FGF12: variants seen among roughly 807,000 people sequenced by gnomAD.
FGF12 encodes fibroblast growth factor 12.
FGF12 carries 14 observed loss-of-function variants against 23.6 expected under a neutral mutation model. That is an observed-to-expected ratio of 0.59 (90% CI 0.39 to 0.93). The LOEUF is 0.93. Ranked by LOEUF, FGF12 falls within the 40% of genes least tolerant of loss-of-function variation. The pLI, the probability that FGF12 is intolerant of heterozygous loss-of-function variation, is 0.00. For missense variants in FGF12, 175 were observed against 217.8 expected, an observed-to-expected ratio of 0.80 and a Z score of 1.24; for synonymous variants, 62 against 77.3, an observed-to-expected ratio of 0.80 and a Z score of 1.04.
intron 2 of FGF12, among the ~76,000 whole-genome samples, chr3:192,474,957 CAG>C (rs1560122259): frequency 6.6e-6 from 1 of 151,152 alleles, no homozygotes; most frequent in African/African-American, 2.4e-5. Context: ...GGAGAATTAA[CAG>C]AATGTTCTGT....
intron 2 of FGF12, among the ~76,000 whole-genome samples, chr3:192,570,294 A>G (rs558465028): frequency 6.6e-6 from 1 of 152,318 alleles, no homozygotes; most frequent in South Asian, 2.1e-4. Context: ...ATGGAAATCC[A>G]AGTAGAGAGC....
rs543547269 is a variant in FGF12 at position 192,674,506 on chromosome 3, G to A, written c.13+52675C>T. ...TACTCTGTAATTAAAGGACGGTTTC[G>A]AACTTCTGAGTACTCATTTTCTTCT... On this transcript the variant is annotated intron_variant, in intron 2 of 5. Coordinates refer to ENST00000445105, the MANE Select transcript of FGF12 (RefSeq NM_004113.6). Among the ~76,000 whole-genome samples, 29 of 152,264 alleles carry A rather than the reference G, an allele frequency of 1.9e-4. No individual in the cohort carries two copies. In the South Asian group the frequency reaches 5.2e-3, roughly 27 times the overall value.
At chr3:192,519,390 T>A (rs1724758156) in intron 2 of FGF12, among the ~76,000 whole-genome samples, 1 of 152,236 alleles carries the variant, frequency 6.6e-6, no homozygotes, top group Non-Finnish European at 1.5e-5. Context: ...CTAAGGTTAT[T>A]CATTTGGCAA....
At chr3:192,614,448 G>A (rs1033905153) in intron 2 of FGF12, among the ~76,000 whole-genome samples, 1 of 151,760 alleles carries the variant, frequency 6.6e-6, no homozygotes, top group Non-Finnish European at 1.5e-5. Context: ...AACTTCAGTG[G>A]TAGTTTGAAA....
chr3:192,485,171 A>G (rs1250033642), intron 2 of FGF12, among the ~76,000 whole-genome samples: 1 of 151,130 alleles, frequency 6.6e-6, no homozygotes, highest in Non-Finnish European at 1.5e-5. Context: ...AAGTATGTTT[A>G]TCTATTATTT....
Position 192,478,669 on chromosome 3 carries a change from C to G in FGF12, c.14-118131G>C, listed in dbSNP as rs574944777. ...GTGACTAAGATAAAATTTTCAAATA[C>G]TAGACTGTGGAAAAGCATACTTGAA... is the stretch of plus-strand genomic sequence containing the variant. On this transcript the variant is annotated intron_variant, in intron 2 of 5. Transcript: ENST00000445105. 9.9e-5 allele frequency among the ~76,000 whole-genome samples: 15 copies of G among 152,208 alleles called. No homozygotes were observed. In the Middle Eastern group the frequency reaches 0.01, roughly 104 times the overall value.
chr3:192,519,649 G>T (rs1017620262), intron 2 of FGF12, among the ~76,000 whole-genome samples: 3 of 152,200 alleles, frequency 2.0e-5, no homozygotes, highest in Non-Finnish European at 4.4e-5. Flanking sequence ...TCCATTGACA[G>T]ATCTTGCTTG....
intron 2 of FGF12, among the ~76,000 whole-genome samples, chr3:192,379,421 T>TAA (rs74271639): frequency 1.8e-3 from 171 of 96,232 alleles, no homozygotes; most frequent in East Asian, 7.7e-3. Context: ...GAAACTGCTC[T>TAA]AAAAAAAAAA....
In FGF12 at chr3:192,649,797, G is replaced by T. The variant is rs576995682; in HGVS notation, c.13+77384C>A. ...ACTGGTCTCAAACCCCTGACCTCAAGTGATCTGCCCACCCCTTCCTCCCAA... is the reference window on the plus strand; with the variant it reads ...ACTGGTCTCAAACCCCTGACCTCAATTGATCTGCCCACCCCTTCCTCCCAA... On this transcript the variant is annotated intron_variant, in intron 2 of 5. Transcript: ENST00000445105. Among the ~76,000 whole-genome samples, 8 of 152,008 alleles carry T rather than the reference G, an allele frequency of 5.3e-5. No homozygotes were observed. The East Asian group carries it at 1.6e-3, about 29-fold the overall frequency.
At chr3:192,571,109 A>C (rs1712615989) in intron 2 of FGF12, among the ~76,000 whole-genome samples, 2 of 152,280 alleles carry the variant, frequency 1.3e-5, no homozygotes, top group South Asian at 4.2e-4. Context: ...TATTAGCCAC[A>C]CATAAACATC....
At chr3:192,702,533 C>T (rs954215282) in intron 2 of FGF12, among the ~76,000 whole-genome samples, 13 of 151,384 alleles carry the variant, frequency 8.6e-5, no homozygotes, top group African/African-American at 2.9e-4. Flanking sequence ...TGGATCACGC[C>T]TGTAATCCCA....
At chr3:192,478,340 A>T (rs1723385436) in intron 2 of FGF12, among the ~76,000 whole-genome samples, 1 of 152,166 alleles carries the variant, frequency 6.6e-6, no homozygotes, top group Admixed American at 6.5e-5. Context: ...AATAAATGAT[A>T]AAGTAGGATT....
intron 2 of FGF12, among the ~76,000 whole-genome samples, chr3:192,722,488 A>C (rs1719069712): frequency 6.6e-6 from 1 of 152,140 alleles, no homozygotes; most frequent in South Asian, 2.1e-4. Flanking sequence ...GATGGCTGGT[A>C]TGAAATCTAG....
At chr3:192,414,047 T>A (rs1326025029) in intron 2 of FGF12, among the ~76,000 whole-genome samples, 1 of 152,206 alleles carries the variant, frequency 6.6e-6, no homozygotes, top group African/African-American at 2.4e-5. Context: ...TATATGTCCA[T>A]CTGGTTTTGA....
intron 2 of FGF12, among the ~76,000 whole-genome samples, chr3:192,714,103 T>A (rs1718782978): frequency 6.6e-6 from 1 of 152,192 alleles, no homozygotes; most frequent in African/African-American, 2.4e-5. Context: ...GTGTGGTAAA[T>A]ACTTACACTA....
chr3:192,429,174 G>A (rs550047065), intron 2 of FGF12, among the ~76,000 whole-genome samples: 73 of 152,240 alleles, frequency 4.8e-4, no homozygotes, highest in African/African-American at 1.6e-3. Flanking sequence ...GAAGAGGACA[G>A]CATCAACTTA....
At chr3:192,457,151 G>T (rs1722706342) in intron 2 of FGF12, among the ~76,000 whole-genome samples, 1 of 152,206 alleles carries the variant, frequency 6.6e-6, no homozygotes, top group Non-Finnish European at 1.5e-5. Context: ...CCCCAGCCAT[G>T]TAGAACTGTA....
At chr3:192,560,495 T>C (rs985269504) in intron 2 of FGF12, among the ~76,000 whole-genome samples, 1 of 151,988 alleles carries the variant, frequency 6.6e-6, no homozygotes, top group Non-Finnish European at 1.5e-5. Flanking sequence ...TAATTACCAA[T>C]ACTAGGAATA....
intron 4 of FGF12, among the ~76,000 whole-genome samples, chr3:192,259,273 A>G (rs1712593833): frequency 1.3e-5 from 2 of 152,190 alleles, no homozygotes; most frequent in African/African-American, 2.4e-5. Context: ...TAATGAAAAT[A>G]CTGCATCATA....
Sources: allele counts gnomAD v4.1 joint callset (sites outside exome capture counted in the v4.1 genomes callset), GRCh38; gene constraint gnomAD v4.1.1; transcripts MANE v1.5; gene names NCBI Gene and HGNC (gene_info 2026-07-23, HGNC 2026-07-21).